FARP2: variants seen among roughly 807,000 people sequenced by gnomAD.
FARP2 encodes FERM, ARHGEF and pleckstrin domain-containing protein 2.
In FARP2, 111 loss-of-function variants were observed where a neutral mutation model predicts 130.5. That is an observed-to-expected ratio of 0.85 (90% confidence interval 0.73 to 1.00). FARP2 has a LOEUF of 1.00. Among genes scored for constraint, FARP2 ranks in the 50% least tolerant of loss-of-function variants. The probability of loss-of-function intolerance (pLI) is 0.00; values close to 1 mark genes in which losing one functional copy is unlikely to be tolerated. For synonymous variants in FARP2, 504 were observed against 516.9 expected (o/e 0.98, Z 0.34); for missense variants, 1,385 against 1,346.3 (o/e 1.03, Z -0.45).
chr2:241,366,125 A>ATATATATATACATATATATATATACT, intron 1 of FARP2, among the ~76,000 whole-genome samples: 1 of 67,368 alleles, frequency 1.5e-5, no homozygotes, highest in South Asian at 5.0e-4. Flanking sequence ...ATATATACGT[A>ATATATATATACATATATATATATACT]TATATATATA....
chr2:241,466,670 C>A, intron 17 of FARP2: 1 of 911,236 alleles, frequency 1.1e-6, no homozygotes, highest in Non-Finnish European at 1.3e-6. Context: ...CCAGCCCCGC[C>A]TTCACTCCCC....
chr2:241,429,550 A>G (rs1172023315), intron 8 of FARP2, among the ~76,000 whole-genome samples: 1 of 152,116 alleles, frequency 6.6e-6, no homozygotes, highest in Non-Finnish European at 1.5e-5. Context: ...TGGTGGTGGT[A>G]ACATTGATCA....
chr2:241,368,411 G>C (rs1399098516), intron 1 of FARP2, among the ~76,000 whole-genome samples: 1 of 152,114 alleles, frequency 6.6e-6, no homozygotes, highest in Non-Finnish European at 1.5e-5. Flanking sequence ...AACATGGTGC[G>C]CCAAGGACTG....
At chr2:241,407,057 C>T (rs541168391) in intron 4 of FARP2, among the ~76,000 whole-genome samples, 14 of 152,282 alleles carry the variant, frequency 9.2e-5, no homozygotes, top group Non-Finnish European at 1.5e-4. Context: ...ATCCGCCCCC[C>T]TCAGCCTCCC....
rs199914691 is a variant in FARP2, at chr2:241,463,330, C to T, written c.1678-5C>T. The T allele has an allele frequency of 3.3e-5, 53 of 1,613,628 alleles. No individual in the cohort carries two copies. The African/African-American group carries it at 6.9e-4, about 21-fold the overall frequency. Reference sequence around the variant, plus strand: ...ACCTCCCATCACACCACACTCTTCCCACAGTGGTTCCGCAGCGCAGTGGTG... The same window carrying T: ...ACCTCCCATCACACCACACTCTTCCTACAGTGGTTCCGCAGCGCAGTGGTG... On this transcript the variant is annotated splice_polypyrimidine_tract_variant and splice_region_variant and intron_variant, in intron 15 of 26. Transcript: ENST00000264042.
Position 241,468,279 on chromosome 2 carries a change from TG to T in FARP2, c.2034del (p.Leu679Ter). On this transcript the variant is annotated frameshift_variant, in exon 18 of 27. Transcript: ENST00000264042. LOFTEE classifies it high-confidence loss of function. ...TGCTACTTGCCTCTCAACACGTTCC[TG>T]CTGAAGCCCATCCAGCGGCTGCTGC... ...KVCYLPLNTF[L>X]LKPIQRLLHY... is the part of the protein sequence containing the mutation. The T allele has an allele frequency of 1.2e-6, 2 of 1,613,978 alleles. No homozygotes were observed. The highest frequency in any genetic ancestry group is 8.5e-7 in the Non-Finnish European group (1 of 1,180,052).
Position 241,491,553 on chromosome 2 carries a change from A to C in FARP2, c.2661A>C (p.Glu887Asp). Residue 887 changes from glutamate (E) to aspartate (D), a missense_variant, in exon 24 of 27, where the codon GAA (glutamate) becomes GAC (aspartate). Physicochemically the swap from Glu to Asp is conservative, Grantham distance 45. Transcript: ENST00000264042. ...PNEVSLEQES[E>D]DDARGVRSSL... ...AGGTATCTCTGGAGCAGGAGTCAGAAGATGATGCTCGGGGTGTCCGCAGCT... is the reference window on the plus strand; with the variant it reads ...AGGTATCTCTGGAGCAGGAGTCAGACGATGATGCTCGGGGTGTCCGCAGCT... The C allele has an allele frequency of 1.2e-6, 2 of 1,613,768 alleles. No homozygotes were observed. Among genetic ancestry groups the C allele is most frequent in the Non-Finnish European group, 1.7e-6 (2 of 1,179,934 alleles).
At chr2:241,493,609 T>TG (rs953077300) in intron 26 of FARP2, 165 bp downstream of exon 26, 1 of 633,276 alleles carries the variant, frequency 1.6e-6, no homozygotes, top group African/African-American at 1.8e-5. Flanking sequence ...TTTTTTTTTT[T>TG]TTGGAGATGG....
chr2:241,365,582 C>T (rs2150286445), intron 1 of FARP2, among the ~76,000 whole-genome samples: 1 of 152,276 alleles, frequency 6.6e-6, no homozygotes, highest in Admixed American at 6.5e-5. Context: ...TATTTACACA[C>T]ATACACACAC....
rs1256995866 is a variant in FARP2 at position 241,493,362 on chromosome 2, A to G, written c.2965A>G (p.Ile989Val). Residue 989 changes from isoleucine (I) to valine (V), a missense_variant, in exon 26 of 27, where the codon ATA becomes GTA. Physicochemically the swap from Ile to Val is conservative, Grantham distance 29. Coordinates refer to ENST00000264042, the MANE Select transcript of FARP2 (RefSeq NM_014808.4). Reference protein sequence around the residue: ...SVSIPREADGIHKDYVFKLQF... With the variant: ...SVSIPREADGVHKDYVFKLQF... ...GAGCATCCCCAGGGAGGCCGATGGC[A>G]TACACAAAGACTATGTTTTCAAGCT... 6.2e-7 allele frequency: 1 copy of G among 1,614,036 alleles called. No homozygotes were observed. The highest frequency in any genetic ancestry group is 1.1e-5 in the South Asian group (1 of 91,084).
chr2:241,434,535 C>T (rs1484039500), intron 10 of FARP2, among the ~76,000 whole-genome samples: 9 of 152,146 alleles, frequency 5.9e-5, no homozygotes, highest in Non-Finnish European at 1.0e-4. Flanking sequence ...TTCAGTTACG[C>T]TTACTACAAA....
intron 2 of FARP2, among the ~76,000 whole-genome samples, chr2:241,391,725 A>C (rs1204902551): frequency 6.6e-6 from 1 of 152,070 alleles, no homozygotes; most frequent in Non-Finnish European, 1.5e-5. Context: ...CTACCACTAC[A>C]TTGCAGTAGT....
intron 18 of FARP2, among the ~76,000 whole-genome samples, chr2:241,471,989 A>G (rs1405446839): frequency 6.8e-6 from 1 of 147,552 alleles, no homozygotes; most frequent in East Asian, 2.1e-4. Context: ...GGCTGTTTTG[A>G]GGAGAACCTG....
At chr2:241,469,027 A>T (rs1395924678) in intron 18 of FARP2, among the ~76,000 whole-genome samples, 1 of 151,818 alleles carries the variant, frequency 6.6e-6, no homozygotes, top group South Asian at 2.1e-4. Context: ...ATGTGTTCTG[A>T]TGGGAACTTT....
intron 19 of FARP2, among the ~76,000 whole-genome samples, chr2:241,476,899 CCTGTTCTCAGGAGACT>C (rs1376873072): frequency 6.6e-6 from 1 of 151,988 alleles, no homozygotes; most frequent in African/African-American, 2.4e-5. Flanking sequence ...TGAAGGGAAC[CCTGTTCTCAGGAGACT>C]CTGTTCTGAG....
At chr2:241,492,429 C>A (rs2064953816) in intron 24 of FARP2, among the ~76,000 whole-genome samples, 1 of 152,204 alleles carries the variant, frequency 6.6e-6, no homozygotes, top group South Asian at 2.1e-4. Context: ...TGAATACCAC[C>A]CTGAAGGCGG....
chr2:241,478,825 G>C, intron 19 of FARP2: 1 of 389,996 alleles, frequency 2.6e-6, no homozygotes, highest in African/African-American at 2.1e-5. Context: ...CCGACAGCTG[G>C]AAGTTTGAAC....
chr2:241,394,583 C>T (rs904651270), intron 2 of FARP2, among the ~76,000 whole-genome samples: 12 of 151,504 alleles, frequency 7.9e-5, no homozygotes, highest in African/African-American at 2.9e-4. Flanking sequence ...GATTATGACA[C>T]TTTATGACCT....
chr2:241,493,971 G>T, intron 26 of FARP2, 37 bp from the exon 27 acceptor site: 1 of 1,253,026 alleles, frequency 8.0e-7, no homozygotes. Context: ...CTGAGCACAA[G>T]ATGGCTCACT....
Sources: gnomAD v4.1 joint callset for allele counts (sites outside exome capture counted in the v4.1 genomes callset) on GRCh38, gnomAD v4.1.1 for gene constraint, MANE v1.5 for transcripts, NCBI Gene and HGNC (gene_info 2026-07-23, HGNC 2026-07-21) for gene names.